Variants in XRCC4 observed in about 807,000 individuals in gnomAD.
XRCC4 encodes X-ray repair cross complementing 4.
XRCC4 carries 28 observed loss-of-function variants against 39.1 expected under a neutral mutation model. The observed-to-expected ratio is 0.72, with a 90% CI of 0.53 to 0.98. The LOEUF (loss-of-function observed/expected upper bound fraction) is 0.98, where lower values mean the gene tolerates loss of function less well. XRCC4 is among the 50% of genes least tolerant of loss of function. The pLI is 0.00. For synonymous variants in XRCC4, 123 were observed against 126.4 expected, an observed-to-expected ratio of 0.97 and a Z score of 0.18; for missense variants, 350 against 376.4, an observed-to-expected ratio of 0.93 and a Z score of 0.58.
chr5:83,152,765 T>G (rs185344613), intron 3 of XRCC4, among the ~76,000 whole-genome samples: 152 of 152,298 alleles, frequency 1.0e-3, no homozygotes, highest in African/African-American at 3.4e-3. Context: ...TAGATTCATA[T>G]GCAGCTACAG....
intron 4 of XRCC4, among the ~76,000 whole-genome samples, chr5:83,197,348 G>A (rs1018660203): frequency 6.6e-6 from 1 of 152,112 alleles, no homozygotes; most frequent in African/African-American, 2.4e-5. Flanking sequence ...TAAAGGAGAT[G>A]TGCTATGGTC....
At chr5:83,105,362 C>T (rs928512171) in intron 2 of XRCC4, among the ~76,000 whole-genome samples, 1 of 152,138 alleles carries the variant, frequency 6.6e-6, no homozygotes, top group African/African-American at 2.4e-5. Flanking sequence ...CATCTTTTCT[C>T]AGGACCCCAG....
chr5:83,181,117 C>G (rs1412212129), intron 3 of XRCC4, among the ~76,000 whole-genome samples: 8 of 143,966 alleles, frequency 5.6e-5, no homozygotes, highest in Non-Finnish European at 3.0e-5. Context: ...GTTCCATTTC[C>G]TTTTTTTTTC....
chr5:83,146,810 CT>C (rs1748475926), intron 3 of XRCC4, among the ~76,000 whole-genome samples: 1 of 152,080 alleles, frequency 6.6e-6, no homozygotes, highest in African/African-American at 2.4e-5. Flanking sequence ...TGTATGTTTT[CT>C]TTTTCCCCGA....
intron 7 of XRCC4, among the ~76,000 whole-genome samples, chr5:83,349,323 A>G (rs1304120409): frequency 6.6e-6 from 1 of 152,024 alleles, no homozygotes; most frequent in African/African-American, 2.4e-5. Context: ...GCCAAACCAT[A>G]TCAACATTTT....
intron 3 of XRCC4, among the ~76,000 whole-genome samples, chr5:83,170,202 A>G (rs1395266719): frequency 6.6e-6 from 1 of 151,940 alleles, no homozygotes; most frequent in East Asian, 1.9e-4. Flanking sequence ...CTACAACTGT[A>G]TGCTTTCTTC....
intron 7 of XRCC4, among the ~76,000 whole-genome samples, chr5:83,335,658 A>G (rs1485995992): frequency 1.3e-5 from 2 of 152,070 alleles, no homozygotes; most frequent in Non-Finnish European, 2.9e-5. Context: ...AGGCTAGCAC[A>G]ATGCCTGACA....
At chr5:83,306,051 T>G (rs776301562) in intron 7 of XRCC4, among the ~76,000 whole-genome samples, 5 of 152,162 alleles carry the variant, frequency 3.3e-5, no homozygotes, top group Non-Finnish European at 5.9e-5. Context: ...TTTTGCTCAG[T>G]TATCCAGTTT....
chr5:83,332,402 A>G (rs80205741), intron 7 of XRCC4, among the ~76,000 whole-genome samples: 2,382 of 152,244 alleles, frequency 0.016, 49 homozygotes, highest in African/African-American at 0.054. Flanking sequence ...TGTTTATAGC[A>G]TAGCATCTGT....
At chr5:83,233,694 C>T (rs1752578655) in intron 6 of XRCC4, among the ~76,000 whole-genome samples, 1 of 150,644 alleles carries the variant, frequency 6.6e-6, no homozygotes, top group Non-Finnish European at 1.5e-5. Context: ...TCAAGACCAG[C>T]CTGGCCAACA....
chr5:83,128,097 A>C (rs62372749), intron 3 of XRCC4, among the ~76,000 whole-genome samples: 1 of 151,742 alleles, frequency 6.6e-6, no homozygotes, highest in Non-Finnish European at 1.5e-5. Context: ...TACATTAGGT[A>C]TATCTCCTAA....
chr5:83,364,733 A>C, the XRCC4 span, among the ~76,000 whole-genome samples: 2 of 152,360 alleles, frequency 1.3e-5, no homozygotes, highest in East Asian at 3.9e-4. Flanking sequence ...TCTTCATTAC[A>C]CTTAATTAAA....
intron 5 of XRCC4, among the ~76,000 whole-genome samples, chr5:83,204,159 T>C (rs1478827183): frequency 6.6e-6 from 1 of 152,164 alleles, no homozygotes; most frequent in African/African-American, 2.4e-5. Context: ...CTTTCACATA[T>C]TCTCTGAAAG....
chr5:83,136,732 A>G (rs939832767), intron 3 of XRCC4, among the ~76,000 whole-genome samples: 2 of 152,210 alleles, frequency 1.3e-5, no homozygotes, highest in African/African-American at 2.4e-5. Context: ...CTGAAGCAAT[A>G]AAGACCTGCA....
the XRCC4 span, among the ~76,000 whole-genome samples, chr5:83,373,436 T>G: frequency 6.6e-6 from 1 of 152,192 alleles, no homozygotes; most frequent in African/African-American, 2.4e-5. Context: ...TGGCCCATTC[T>G]TTTCTCAACT....
chr5:83,362,705 C>T, the XRCC4 span, among the ~76,000 whole-genome samples: 1 of 152,140 alleles, frequency 6.6e-6, no homozygotes, highest in Admixed American at 6.6e-5. Context: ...ATACCAGTAA[C>T]TTTCACGATT....
chr5:83,112,785 T>C (rs1746507097), intron 3 of XRCC4, among the ~76,000 whole-genome samples: 1 of 152,024 alleles, frequency 6.6e-6, no homozygotes, highest in South Asian at 2.1e-4. Flanking sequence ...CTCATGAGAC[T>C]TATTCACTAT....
chr5:83,347,431 G>C (rs1334510609), intron 7 of XRCC4, among the ~76,000 whole-genome samples: 1 of 152,086 alleles, frequency 6.6e-6, no homozygotes, highest in Non-Finnish European at 1.5e-5. Context: ...CAATCATGGT[G>C]GAAGGCAAAA....
intron 3 of XRCC4, among the ~76,000 whole-genome samples, chr5:83,155,766 G>A (rs1330425115): frequency 6.6e-6 from 1 of 151,884 alleles, no homozygotes; most frequent in Non-Finnish European, 1.5e-5. Context: ...ATTCATTTCA[G>A]TACCAAGACA....
Sources: gnomAD v4.1 joint callset for allele counts (sites outside exome capture counted in the v4.1 genomes callset) on GRCh38, gnomAD v4.1.1 for gene constraint, MANE v1.5 for transcripts, NCBI Gene and HGNC (gene_info 2026-07-23, HGNC 2026-07-21) for gene names.